Variants in SYNPO observed in about 807,000 individuals in gnomAD.
SYNPO encodes the protein synaptopodin.
Under a neutral mutation model 49.5 loss-of-function variants are expected in SYNPO, and 19 were observed. That is an observed-to-expected ratio of 0.38 (90% CI 0.27 to 0.56). The LOEUF is 0.56. Ranked by LOEUF, SYNPO falls within the 20% of genes least tolerant of loss-of-function variation. The probability of loss-of-function intolerance (pLI) is 0.68; values close to 1 mark genes in which losing one functional copy is unlikely to be tolerated. For synonymous variants in SYNPO, 536 were observed against 548.0 expected, an observed-to-expected ratio of 0.98 and a Z score of 0.31; for missense variants, 1,131 against 1,248.3, an observed-to-expected ratio of 0.91 and a Z score of 1.42.
intron 1 of SYNPO, among the ~76,000 whole-genome samples, chr5:150,641,954 G>T (rs140929297): frequency 1.9e-3 from 293 of 152,324 alleles, no homozygotes; most frequent in African/African-American, 6.5e-3. Context: ...TCTGGAAGGA[G>T]AATAGTTAAG....
rs1758665265 is a variant in SYNPO at position 150,658,999 on chromosome 5, A to G, written c.*1912A>G. On this transcript the variant is annotated 3_prime_UTR_variant, in exon 3 of 3. Transcript: ENST00000307662. ...TCAGGCCTCTGGCTGAGGCAGTAGC[A>G]TAGAGGATCCATTTCTACCTGCATT... is the stretch of plus-strand genomic sequence containing the variant. 1 of 152,336 alleles carries G rather than the reference A, an allele frequency of 6.6e-6. No homozygotes were observed. Among genetic ancestry groups the G allele is most frequent in the Non-Finnish European group, 1.5e-5 (1 of 68,030 alleles). 9.4% of individuals were successfully genotyped at this position (152,336 alleles called of 1,614,324 possible). A position where few individuals can be genotyped will look rare whatever the true frequency, so the allele number is the denominator to read the frequency against.
chr5:150,648,735 A>T lies in SYNPO; in HGVS notation c.460A>T (p.Thr154Ser). ...QAPAEEVRCS[T>S]LLIDKVSTPA... ...ACCGGCTGAGGAGGTGAGATGCAGC[A>T]CACTCCTAATTGACAAGGTATCAAC... The change falls in exon 2 of 3, where the codon ACA becomes TCA. Residue 154 changes from threonine to serine, a missense_variant. Physicochemically the swap from Thr to Ser is moderately conservative, Grantham distance 58. This residue lies in a region of SYNPO where 602 missense variants were observed against 720.7 expected (regional missense o/e 0.84). Transcript: ENST00000307662. This position sits in a 1 kb window ranked among gnomAD's most constrained non-coding sequence, Gnocchi z 5.0. 1 of 1,614,206 alleles carries T rather than the reference A, an allele frequency of 6.2e-7. No individual in the cohort carries two copies. Among genetic ancestry groups the T allele is most frequent in the Non-Finnish European group, 8.5e-7 (1 of 1,180,040 alleles).
chr5:150,613,150 C>T (rs527307046), intron 1 of SYNPO, among the ~76,000 whole-genome samples: 24 of 148,412 alleles, frequency 1.6e-4, no homozygotes, highest in Admixed American at 1.4e-3. Context: ...TTGCTGGGAC[C>T]TCTGCCTGCC....
intron 1 of SYNPO, among the ~76,000 whole-genome samples, chr5:150,611,375 A>G (rs1230081123): frequency 1.3e-5 from 2 of 152,234 alleles, no homozygotes; most frequent in Non-Finnish European, 2.9e-5. Flanking sequence ...TTCTACCAGG[A>G]GGGCACCTGA....
At chr5:150,647,639 C>G (rs142521936) in intron 1 of SYNPO, among the ~76,000 whole-genome samples, 58 of 152,260 alleles carry the variant, frequency 3.8e-4, no homozygotes, top group Admixed American at 1.7e-3. Flanking sequence ...GTGAGGTGTT[C>G]GTACTCAGTT....
chr5:150,657,431 CT>C lies in SYNPO; in HGVS notation c.*345del. The stretch of plus-strand genomic sequence containing the variant: ...ACTCTCTCTTTCTCTCTCTCTCTCT[CT>C]CACACACACACACACACACACACAC... On this transcript the variant is annotated 3_prime_UTR_variant, in exon 3 of 3. Transcript: ENST00000307662. The C allele has an allele frequency of 6.9e-6, 1 of 144,640 alleles. No homozygotes were observed. Among genetic ancestry groups the C allele is most frequent in the Non-Finnish European group, 1.3e-5 (1 of 78,394 alleles). 9.0% of individuals were successfully genotyped at this position (144,640 alleles called of 1,614,324 possible). A position where few individuals can be genotyped will look rare whatever the true frequency, so the allele number is the denominator to read the frequency against.
At chr5:150,634,435 C>T (rs567881513) in intron 2 of SYNPO, among the ~76,000 whole-genome samples, 82 of 152,260 alleles carry the variant, frequency 5.4e-4, no homozygotes, top group African/African-American at 1.9e-3. Context: ...TTTGGTGACA[C>T]GTGAGGATGC....
intron 2 of SYNPO, among the ~76,000 whole-genome samples, chr5:150,625,951 G>A (rs1310968914): frequency 6.6e-6 from 1 of 152,210 alleles, no homozygotes; most frequent in African/African-American, 2.4e-5. Context: ...CTTGGCCTCC[G>A]GTGAGAGGGT....
intron 2 of SYNPO, among the ~76,000 whole-genome samples, chr5:150,631,509 C>T (rs891267002): frequency 1.3e-5 from 2 of 152,152 alleles, no homozygotes; most frequent in Non-Finnish European, 2.9e-5. Flanking sequence ...TGGAGCCTGG[C>T]AGGCTGGGAG....
intron 1 of SYNPO, among the ~76,000 whole-genome samples, chr5:150,645,413 A>G (rs2151416442): frequency 6.6e-6 from 1 of 152,296 alleles, no homozygotes; most frequent in African/African-American, 2.4e-5. Flanking sequence ...TGATCCATCC[A>G]CCTGTCTGTC....
At chr5:150,631,133 A>G (rs1454093026) in intron 2 of SYNPO, among the ~76,000 whole-genome samples, 1 of 152,148 alleles carries the variant, frequency 6.6e-6, no homozygotes, top group African/African-American at 2.4e-5. Context: ...TGTTTCATGC[A>G]TTTGCTCTTT....
intron 2 of SYNPO, chr5:150,650,938 T>C (rs1481774961): frequency 1.4e-5 from 18 of 1,257,234 alleles, no homozygotes; most frequent in African/African-American, 3.1e-5. Context: ...TGCGCTCCCC[T>C]CCAGGGTCCT....
chr5:150,652,665 G>A (rs1364952959), intron 2 of SYNPO: 1 of 152,770 alleles, frequency 6.5e-6, no homozygotes, highest in Non-Finnish European at 1.5e-5. Flanking sequence ...TCTTCTCGTT[G>A]AGGTTTGTTT....
the SYNPO span, among the ~76,000 whole-genome samples, chr5:150,591,925 G>A: frequency 1.3e-5 from 2 of 152,118 alleles, no homozygotes; most frequent in Non-Finnish European, 2.9e-5. Flanking sequence ...CAGCACTTTG[G>A]GAGGCCGAGG....
intron 1 of SYNPO, among the ~76,000 whole-genome samples, chr5:150,612,967 G>A (rs950695422): frequency 3.3e-5 from 5 of 152,008 alleles, no homozygotes; most frequent in South Asian, 4.2e-4. Flanking sequence ...TTGTAGAGAC[G>A]GGGGTCTCAC....
At chr5:150,601,422 G>A (rs1393455128) in intron 1 of SYNPO, among the ~76,000 whole-genome samples, 2 of 152,188 alleles carry the variant, frequency 1.3e-5, no homozygotes, top group African/African-American at 4.8e-5. Context: ...CAAGCCTGGG[G>A]CTTGGGGCTG....
chr5:150,644,186 A>G (rs1324926861), intron 1 of SYNPO, among the ~76,000 whole-genome samples: 1 of 152,018 alleles, frequency 6.6e-6, no homozygotes, highest in East Asian at 1.9e-4. Flanking sequence ...AAAAAAAAAA[A>G]AAGTGATTGG....
At chr5:150,651,809 C>T (rs991466703) in intron 2 of SYNPO, 34 of 1,000,286 alleles carry the variant, frequency 3.4e-5, no homozygotes, top group Non-Finnish European at 3.9e-5. Flanking sequence ...GGTGTTAAGT[C>T]AGGTAGCTGG....
chr5:150,591,326 A>G, the SYNPO span, among the ~76,000 whole-genome samples: 2 of 152,210 alleles, frequency 1.3e-5, no homozygotes, highest in Non-Finnish European at 2.9e-5. Context: ...TGGGGACCTC[A>G]GTGATGGAGA....
Sources: allele counts gnomAD v4.1 joint callset (sites outside exome capture counted in the v4.1 genomes callset), GRCh38; gene constraint gnomAD v4.1.1; regional missense constraint gnomAD v4.1.1; non-coding constraint Gnocchi (gnomAD v3.1); transcripts MANE v1.5; gene names NCBI Gene and HGNC (gene_info 2026-07-23, HGNC 2026-07-21).